Variants in PDE4D observed in about 807,000 individuals in gnomAD.
PDE4D encodes the protein phosphodiesterase 4D.
Under a neutral mutation model 87.4 loss-of-function variants are expected in PDE4D, and 24 were observed. The ratio of observed to expected loss-of-function variants is 0.27; its 90% CI spans 0.20 to 0.39. PDE4D has a LOEUF of 0.39. Ranked by LOEUF, PDE4D falls within the 10% of genes least tolerant of loss-of-function variation. PDE4D has a pLI of 1.00. For missense variants in PDE4D, 714 were observed against 1,041.0 expected (o/e 0.69, Z 4.32); for synonymous variants, 384 against 383.2 (o/e 1.00, Z -0.02).
chr5:59,129,046 T>C (rs1041697906), intron 5 of PDE4D, among the ~76,000 whole-genome samples: 3 of 152,214 alleles, frequency 2.0e-5, no homozygotes, highest in Non-Finnish European at 4.4e-5. Flanking sequence ...CAAAACCTAA[T>C]GACCAAACCT....
intron 1 of PDE4D, among the ~76,000 whole-genome samples, chr5:60,494,516 G>A (rs371338097): frequency 2.6e-5 from 4 of 152,234 alleles, no homozygotes; most frequent in East Asian, 1.9e-4. Context: ...GACAGCCCTC[G>A]GAACTGTGAC....
chr5:59,884,598 T>C (rs1561814639), intron 1 of PDE4D, among the ~76,000 whole-genome samples: 1 of 152,034 alleles, frequency 6.6e-6, no homozygotes, highest in African/African-American at 2.4e-5. Context: ...TATGTAATAT[T>C]GCAATATAGT....
chr5:58,998,746 G>A (rs1266919861), intron 6 of PDE4D, among the ~76,000 whole-genome samples: 1 of 152,098 alleles, frequency 6.6e-6, no homozygotes, highest in Non-Finnish European at 1.5e-5. Flanking sequence ...AGGTTCAAGC[G>A]AGTGGCTCAA....
At chr5:59,740,211 T>C (rs1484068642) in intron 1 of PDE4D, among the ~76,000 whole-genome samples, 2 of 152,222 alleles carry the variant, frequency 1.3e-5, no homozygotes, top group African/African-American at 4.8e-5. Flanking sequence ...CAGAAAATTA[T>C]TAACAGTCTG....
At chr5:59,738,327 A>T (rs1363167826) in intron 1 of PDE4D, among the ~76,000 whole-genome samples, 1 of 152,186 alleles carries the variant, frequency 6.6e-6, no homozygotes, top group East Asian at 1.9e-4. Flanking sequence ...GTACAATATA[A>T]GAATGACAAA....
chr5:59,545,115 C>T (rs1303335031), intron 1 of PDE4D, among the ~76,000 whole-genome samples: 1 of 152,104 alleles, frequency 6.6e-6, no homozygotes, highest in East Asian at 1.9e-4. Flanking sequence ...TAGTTTTACC[C>T]CTGTATTTTT....
intron 1 of PDE4D, among the ~76,000 whole-genome samples, chr5:60,256,625 T>C (rs754940254): frequency 1.8e-4 from 27 of 151,796 alleles, no homozygotes; most frequent in Admixed American, 2.6e-4. Context: ...ATAAAGAATG[T>C]AAAATTAGTC....
intron 5 of PDE4D, chr5:59,125,333 T>C: frequency 1.1e-5 from 10 of 915,412 alleles, no homozygotes; most frequent in South Asian, 5.0e-5. Context: ...TTAACACACC[T>C]GAAAAGGATT....
chr5:59,850,708 G>A (rs1744545634), intron 1 of PDE4D, among the ~76,000 whole-genome samples: 1 of 151,918 alleles, frequency 6.6e-6, no homozygotes, highest in Admixed American at 6.6e-5. Flanking sequence ...GGTTATAACC[G>A]TGGGAGGAGT....
intron 1 of PDE4D, among the ~76,000 whole-genome samples, chr5:60,193,372 T>C (rs1398255271): frequency 6.6e-6 from 1 of 151,288 alleles, no homozygotes; most frequent in Non-Finnish European, 1.5e-5. Flanking sequence ...GCAATATGGG[T>C]GGAAAAAGCT....
Position 59,268,730 on chromosome 5 carries a change from C to A in PDE4D, c.456-52762G>T, listed in dbSNP as rs182798239. On this transcript the variant is annotated intron_variant, in intron 1 of 14. Coordinates refer to ENST00000340635, the MANE Select transcript of PDE4D (RefSeq NM_001104631.2). Reference sequence around the variant, plus strand: ...TATCCCTCAGGCCCTATTCTCTATACCTTTATCTAAACTTTGACAATTCTA... The same window carrying A: ...TATCCCTCAGGCCCTATTCTCTATAACTTTATCTAAACTTTGACAATTCTA... 1.1e-4 allele frequency among the ~76,000 whole-genome samples: 17 copies of A among 152,180 alleles called. No homozygotes were observed. In the East Asian group the frequency reaches 2.5e-3, roughly 23 times the overall value.
chr5:58,975,134 G>T lies in PDE4D; in HGVS notation c.2014-54C>A. On this transcript the variant is annotated intron_variant, in intron 14 of 14. Transcript: ENST00000340635. This position sits in a 1 kb window ranked among gnomAD's most constrained non-coding sequence, Gnocchi z 4.2. ...AGAGGACTTGGGACTAAGAAACAATGGAAAAGCTTAATTAGATCATGGCCC... is the reference window on the plus strand; with the variant it reads ...AGAGGACTTGGGACTAAGAAACAATTGAAAAGCTTAATTAGATCATGGCCC... 9.0e-7 allele frequency: 1 copy of T among 1,107,958 alleles called. No homozygotes were observed. Among genetic ancestry groups the T allele is most frequent in the Non-Finnish European group, 1.2e-6 (1 of 817,260 alleles). 68.6% of individuals were successfully genotyped at this position (1,107,958 alleles called of 1,614,324 possible). A position where few individuals can be genotyped will look rare whatever the true frequency, so the allele number is the denominator to read the frequency against.
intron 1 of PDE4D, among the ~76,000 whole-genome samples, chr5:59,889,878 A>G (rs1278691332): frequency 6.6e-6 from 1 of 152,222 alleles, no homozygotes; most frequent in Non-Finnish European, 1.5e-5. Context: ...AGATTAAGAC[A>G]TGAATCTACC....
At chr5:59,685,911 T>C (rs551596904) in intron 1 of PDE4D, among the ~76,000 whole-genome samples, 3 of 152,212 alleles carry the variant, frequency 2.0e-5, no homozygotes, top group East Asian at 3.9e-4. Flanking sequence ...CTTACCCATC[T>C]GCACAGAGTT....
intron 1 of PDE4D, among the ~76,000 whole-genome samples, chr5:59,245,208 G>T (rs1758610257): frequency 6.6e-6 from 1 of 152,102 alleles, no homozygotes; most frequent in African/African-American, 2.4e-5. Flanking sequence ...CTTAAATGCT[G>T]CAATTATGAG....
At chr5:60,134,461 C>T (rs1779857839) in intron 2 of PDE4D, among the ~76,000 whole-genome samples, 1 of 152,184 alleles carries the variant, frequency 6.6e-6, no homozygotes, top group Non-Finnish European at 1.5e-5. Context: ...GCTACAATCA[C>T]ACCACTACAG....
At chr5:59,953,221 T>C (rs1758480708) in intron 3 of PDE4D, among the ~76,000 whole-genome samples, 1 of 152,106 alleles carries the variant, frequency 6.6e-6, no homozygotes, top group Non-Finnish European at 1.5e-5. Flanking sequence ...TAAGAAATGG[T>C]TTCATGTTTA....
rs150757883 is a variant in PDE4D at position 59,956,807 on chromosome 5, C to T, written c.272+31681G>A. Reference sequence around the variant, plus strand: ...GAATCTGAGAGGTGAAACTGGCTAACAAAAATAAATTAGACTGACTAGTCC... The same window carrying T: ...GAATCTGAGAGGTGAAACTGGCTAATAAAAATAAATTAGACTGACTAGTCC... On this transcript the variant is annotated intron_variant, in intron 3 of 16. Coordinates refer to the PDE4D transcript ENST00000502484. Among the ~76,000 whole-genome samples the T allele has an allele frequency of 6.3e-3, 963 of 151,990 alleles. 14 individuals are homozygous for T. The highest frequency in any genetic ancestry group is 0.023 in the African/African-American group (934 of 41,456).
At chr5:59,754,605 C>T (rs1184510578) in intron 1 of PDE4D, among the ~76,000 whole-genome samples, 1 of 152,052 alleles carries the variant, frequency 6.6e-6, no homozygotes. Context: ...GTAGCCAGTG[C>T]TGTGTGAGCA....
Sources: allele counts gnomAD v4.1 joint callset (sites outside exome capture counted in the v4.1 genomes callset), GRCh38; gene constraint gnomAD v4.1.1; non-coding constraint Gnocchi (gnomAD v3.1); transcripts MANE v1.5; gene names NCBI Gene and HGNC (gene_info 2026-07-23, HGNC 2026-07-21).